The following NOTCH4 variants were observed in gnomAD, a reference collection of about 807,000 sequenced individuals.
NOTCH4 encodes neurogenic locus notch homolog protein 4.
A neutral mutation model predicts 189.0 loss-of-function variants in NOTCH4; 138 were observed. That is an observed-to-expected ratio of 0.73 (90% CI 0.64 to 0.84). The LOEUF (loss-of-function observed/expected upper bound fraction) is 0.84, where lower values mean the gene tolerates loss of function less well. NOTCH4 is among the 40% of genes least tolerant of loss of function. The pLI, the probability that NOTCH4 is intolerant of heterozygous loss-of-function variation, is 0.00. For synonymous variants in NOTCH4, 942 were observed against 1,032.8 expected (o/e 0.91, Z 1.69); for missense variants, 2,286 against 2,605.4 (o/e 0.88, Z 2.67).
intron 3 of NOTCH4, 131 bp downstream of exon 3, chr6:32,222,380 G>T (rs1789833447): frequency 6.8e-6 from 5 of 735,350 alleles, no homozygotes; most frequent in Non-Finnish European, 8.2e-6. Flanking sequence ...CCAAGAATTG[G>T]CATGTTGATT....
chr6:32,212,429 C>T lies in NOTCH4; in HGVS notation c.2680+45G>A. ...CAGGAACGGGGCAGGTGAGAACACCCATATTTTCTTCATTTGCTCTCCAGT... is the reference window on the plus strand; with the variant it reads ...CAGGAACGGGGCAGGTGAGAACACCTATATTTTCTTCATTTGCTCTCCAGT... On this transcript the variant is annotated intron_variant, in intron 17 of 29. Transcript: ENST00000375023. The surrounding 1 kb of genome is among the most constrained non-coding windows in gnomAD (Gnocchi z 4.4). The T allele has an allele frequency of 6.4e-7, 1 of 1,554,568 alleles. No individual in the cohort carries two copies. The highest frequency in any genetic ancestry group is 8.7e-7 in the Non-Finnish European group (1 of 1,148,696).
chr6:32,213,298 T>A, intron 14 of NOTCH4, 46 bp from the exon 15 acceptor site: 1 of 1,376,658 alleles, frequency 7.3e-7, no homozygotes, highest in Non-Finnish European at 1.0e-6. Context: ...GCCTGTAACC[T>A]GGCCTGTGAC....
rs769798065 is a variant in NOTCH4, at chr6:32,221,154, C to A, written c.623G>T (p.Gly208Val). The A allele has an allele frequency of 2.5e-6, 4 of 1,612,956 alleles. No individual in the cohort carries two copies. In the South Asian group the frequency reaches 3.3e-5, roughly 13 times the overall value. The change falls in exon 4 of 30, where the codon GGC becomes GTC. Residue 208 changes from glycine to valine, a missense_variant. Physicochemically the swap from Gly to Val is moderately radical, Grantham distance 109 (BLOSUM62 -3). This residue lies in a region of NOTCH4 where 1,903 missense variants were observed against 2,261.9 expected (regional missense o/e 0.84). Coordinates refer to ENST00000375023, the MANE Select transcript of NOTCH4 (RefSeq NM_004557.4). The surrounding 1 kb of genome is among the most constrained non-coding windows in gnomAD (Gnocchi z 4.3). ...CFQDPGPCPK[G>V]TSCHNTLGSF... ...GCCCAGGGTGTTATGGCAGGAGGTG[C>A]CTTTGGGGCAGGGTCCTGGGTCCTG...
Position 32,197,480 on chromosome 6 carries a change from G to A in NOTCH4, c.4871C>T (p.Ala1624Val). 4 of 1,598,286 alleles carry A rather than the reference G, an allele frequency of 2.5e-6. No individual in the cohort carries two copies. The highest frequency in any genetic ancestry group is 3.4e-6 in the Non-Finnish European group (4 of 1,172,168). The change falls in exon 27 of 30, where the codon GCC becomes GTC. Residue 1624 changes from alanine (A) to valine (V), a missense_variant. Coordinates refer to ENST00000375023, the MANE Select transcript of NOTCH4 (RefSeq NM_004557.4). ...GCCCACGGTGTGAGCCTGGGGACAG[G>A]CCCCTCCATCCAGCAGAGGTTCCCA... ...EPWEPLLDGGACPQAHTVGTG... is the reference protein window; with the variant it reads ...EPWEPLLDGGVCPQAHTVGTG...
At position 32,201,686 on chromosome 6, in the gene NOTCH4, CT is replaced by C. The variant is rs1182527299; in HGVS notation, c.3756-187del. On this transcript the variant is annotated intron_variant, in intron 21 of 29. Coordinates refer to ENST00000375023, the MANE Select transcript of NOTCH4 (RefSeq NM_004557.4). The surrounding 1 kb of genome is among the most constrained non-coding windows in gnomAD (Gnocchi z 5.5). ...GACACCCCAATGTCTGCTAACACCC[CT>C]GTCTCCCTAGACTGTCCCCTCTCTG... The C allele has an allele frequency of 1.2e-5, 6 of 489,508 alleles. No individual in the cohort carries two copies. The highest frequency in any genetic ancestry group is 1.7e-5 in the Non-Finnish European group (5 of 291,942). The allele number at this position is 489,508 out of a possible 1,614,324, so 30.3% of individuals were successfully genotyped here.
At chr6:32,197,156 C>T in intron 27 of NOTCH4, 84 bp from the exon 28 acceptor site, 1 of 1,538,494 alleles carries the variant, frequency 6.5e-7, no homozygotes, top group Non-Finnish European at 8.8e-7. Context: ...CACTCGCAAT[C>T]CATATTCAGC....
Position 32,195,513 on chromosome 6 carries a change from C to T in NOTCH4, c.5936G>A (p.Gly1979Glu). 2 of 1,613,014 alleles carry T rather than the reference C, an allele frequency of 1.2e-6. No individual in the cohort carries two copies. Among genetic ancestry groups the T allele is most frequent in the East Asian group, 2.2e-5 (1 of 44,876 alleles). ...PPCLTPSPER[G>E]SPQLDCGPPA... The stretch of plus-strand genomic sequence containing the variant: ...GGGACCACAGTCAAGTTGAGGTGAT[C>T]CCCGCTCCGGGGACGGAGTAAGGCA... The change falls in exon 30 of 30, where the codon GGA (glycine) becomes GAA (glutamate). Residue 1979 changes from glycine to glutamate, a missense_variant. Transcript: ENST00000375023. This position sits in a 1 kb window ranked among gnomAD's most constrained non-coding sequence, Gnocchi z 5.4.
chr6:32,197,844 C>CGGAG (rs1308001224), intron 26 of NOTCH4, among the ~76,000 whole-genome samples: 1 of 137,014 alleles, frequency 7.3e-6, no homozygotes, highest in Non-Finnish European at 1.5e-5. Flanking sequence ...TTTTCTGAGA[C>CGGAG]GGAGTCTCGC....
rs1265108496 is a variant in NOTCH4 at position 32,220,400 on chromosome 6, C to T, written c.1159+5G>A. ...CCCACCTCCTGATACCCTCTACCCC[C>T]ATACCTGTGCGTCCAGGTGGGCAGA... On this transcript the variant is annotated splice_donor_5th_base_variant and intron_variant, in intron 6 of 29. Transcript: ENST00000375023. 1 of 1,613,926 alleles carries T rather than the reference C, an allele frequency of 6.2e-7. No individual in the cohort carries two copies. The highest frequency in any genetic ancestry group is 8.5e-7 in the Non-Finnish European group (1 of 1,179,900).
chr6:32,212,392 T>C lies in NOTCH4; in HGVS notation c.2680+82A>G, dbSNP rs1000877981. 1 of 1,386,840 alleles carries C rather than the reference T, an allele frequency of 7.2e-7. No individual in the cohort carries two copies. The highest frequency in any genetic ancestry group is 9.8e-7 in the Non-Finnish European group (1 of 1,016,890). The allele number at this position is 1,386,840 out of a possible 1,614,324, so 85.9% of individuals were successfully genotyped here. A position where few individuals can be genotyped will look rare whatever the true frequency, so the allele number is the denominator to read the frequency against. Reference sequence around the variant, plus strand: ...AGATGGTTGTTTTGGCCAAAAGCTGTGTGGAAGCCCACAGGAACGGGGCAG... The same window carrying C: ...AGATGGTTGTTTTGGCCAAAAGCTGCGTGGAAGCCCACAGGAACGGGGCAG... On this transcript the variant is annotated intron_variant, in intron 17 of 29. Coordinates refer to ENST00000375023, the MANE Select transcript of NOTCH4 (RefSeq NM_004557.4). The surrounding 1 kb of genome is among the most constrained non-coding windows in gnomAD (Gnocchi z 4.4).
Position 32,219,683 on chromosome 6 carries a change from C to T in NOTCH4, c.1419G>A (p.Glu473=), listed in dbSNP as rs1208368659. The T allele has an allele frequency of 6.2e-7, 1 of 1,613,104 alleles. No individual in the cohort carries two copies. The highest frequency in any genetic ancestry group is 1.1e-5 in the South Asian group (1 of 91,058). Residue 473 remains glutamate (E), a synonymous_variant, in exon 8 of 30, where the codon GAG becomes GAA. Transcript: ENST00000375023. ...CPPGYTGSRC[E]ADHNECLSQP... ...GGGAGAGGCACTCATTGTGATCAGC[C>T]TCACAACGGGAGCCTGTGTAGCCAG...
Position 32,212,606 on chromosome 6 carries a change from G to T in NOTCH4, c.2548C>A (p.Gln850Lys). ...TGGGAATTGCGTGGGCAGGGCTTCT[G>T]GGCACATAAGTCCATCAGAGTCTGA... ...SCQTLMDLCA[Q>K]KPCPRNSHCL... Residue 850 changes from glutamine (Q) to lysine (K), a missense_variant, in exon 17 of 30, where the codon CAG becomes AAG. Transcript: ENST00000375023. This position sits in a 1 kb window ranked among gnomAD's most constrained non-coding sequence, Gnocchi z 4.4. 1.9e-6 allele frequency: 3 copies of T among 1,612,240 alleles called. No homozygotes were observed. Among genetic ancestry groups the T allele is most frequent in the Non-Finnish European group, 2.5e-6 (3 of 1,179,512 alleles).
At chr6:32,197,624 C>G in intron 26 of NOTCH4, 30 bp from the exon 27 acceptor site, 1 of 1,571,362 alleles carries the variant, frequency 6.4e-7, no homozygotes, top group Non-Finnish European at 8.6e-7. Context: ...ATGGGTCAAT[C>G]TAAAGGACAC....
intron 18 of NOTCH4, 88 bp from the exon 19 acceptor site, chr6:32,204,477 C>A: frequency 2.8e-6 from 4 of 1,428,694 alleles, no homozygotes; most frequent in Non-Finnish European, 3.8e-6. Flanking sequence ...TCTGTCCAGT[C>A]CCCCACCTTC....
rs1412928705 is a variant in NOTCH4 at position 32,215,357 on chromosome 6, A to G, written c.1890T>C (p.Ala630=). ...TCTGCTTGGGCTGGCACAGGTTGGG[A>G]GCACACAGGGGAACCTCACAGAGCT... ...TGQLCEVPLC[A]PNLCQPKQIC... Residue 630 remains alanine, a synonymous_variant, in exon 12 of 30, where the codon GCT becomes GCC. Coordinates refer to ENST00000375023, the MANE Select transcript of NOTCH4 (RefSeq NM_004557.4). 2 of 1,611,002 alleles carry G rather than the reference A, an allele frequency of 1.2e-6. No homozygotes were observed. Among genetic ancestry groups the G allele is most frequent in the Admixed American group, 3.4e-5 (2 of 59,660 alleles).
chr6:32,198,399 TGGTC>T lies in NOTCH4; in HGVS notation c.4756+18_4756+21del. On this transcript the variant is annotated intron_variant, in intron 26 of 29. Coordinates refer to ENST00000375023, the MANE Select transcript of NOTCH4 (RefSeq NM_004557.4). The surrounding 1 kb of genome is among the most constrained non-coding windows in gnomAD (Gnocchi z 5.5). ...GTCAAAGGACTTTTTTTTTTTTTCT[TGGTC>T]TGGGTTGACTCACATACCAGGTCCA... The T allele has an allele frequency of 6.3e-7, 1 of 1,577,170 alleles. No individual in the cohort carries two copies. Among genetic ancestry groups the T allele is most frequent in the Admixed American group, 2.0e-5 (1 of 49,176 alleles).
Position 32,203,800 on chromosome 6 carries a change from T to C in NOTCH4, c.3201A>G (p.Ser1067=). 6.4e-7 allele frequency: 1 copy of C among 1,558,442 alleles called. No homozygotes were observed. ...HGGTCEATAG[S]PLGFICHCPK... is the part of the protein sequence containing the mutation. ...GGCAGTGGCAGATGAAACCCAGGGG[T>C]GATCCTGCTGTGGCCTCACAGGTCC... Residue 1067 remains serine, a synonymous_variant, in exon 20 of 30, where the codon TCA becomes TCG. Coordinates refer to ENST00000375023, the MANE Select transcript of NOTCH4 (RefSeq NM_004557.4).
Position 32,196,519 on chromosome 6 carries a change from G to C in NOTCH4, c.5201-98C>G, listed in dbSNP as rs529966299. On this transcript the variant is annotated intron_variant, in intron 28 of 29. Coordinates refer to ENST00000375023, the MANE Select transcript of NOTCH4 (RefSeq NM_004557.4). ...TGGCCTTGGGGGAAGGGCTATTCGG[G>C]CCGGCTGGTCCCTCAAAGGCGGGAA... is the stretch of plus-strand genomic sequence containing the variant. 18 of 1,459,942 alleles carry C rather than the reference G, an allele frequency of 1.2e-5. No homozygotes were observed. In the African/African-American group the frequency reaches 2.1e-4, roughly 17 times the overall value. The allele number at this position is 1,459,942 out of a possible 1,614,324, so 90.4% of individuals were successfully genotyped here.
Position 32,223,026 on chromosome 6 carries a change from G to C in NOTCH4, c.134C>G (p.Ser45Cys). ...TCACTGGCAGGTCCCTTGTCCCAGA[G>C]ACAGGCTCAGGCAGGTGCCTCCATT... ...CANGGTCLSL[S>C]LGQGTCQCAP... Residue 45 changes from serine (S) to cysteine (C), a missense_variant, in exon 2 of 30, where the codon TCT becomes TGT. By Grantham distance (112) the Ser-to-Cys change is moderately radical. Around this residue, in one of 2 missense-constraint regions of NOTCH4, gnomAD observed 1,903 missense variants for 2,261.9 expected, o/e 0.84. Transcript: ENST00000375023. 1.2e-6 allele frequency: 2 copies of C among 1,613,622 alleles called. No homozygotes were observed. Among genetic ancestry groups the C allele is most frequent in the Non-Finnish European group, 1.7e-6 (2 of 1,179,844 alleles).
Sources: allele counts gnomAD v4.1 joint callset (sites outside exome capture counted in the v4.1 genomes callset), GRCh38; gene constraint gnomAD v4.1.1; regional missense constraint gnomAD v4.1.1; non-coding constraint Gnocchi (gnomAD v3.1); transcripts MANE v1.5; gene names NCBI Gene and HGNC (gene_info 2026-07-23, HGNC 2026-07-21).